The following PLA2G5 variants were observed in gnomAD, a reference collection of about 807,000 sequenced individuals.
The protein encoded by PLA2G5 is phospholipase A2 group V, also known as Ca2+-dependent phospholipase A2.
PLA2G5 carries 12 observed loss-of-function variants against 15.9 expected under a neutral mutation model. The observed-to-expected ratio is 0.76, with a 90% CI of 0.48 to 1.23. The LOEUF (loss-of-function observed/expected upper bound fraction) is 1.23. Among genes scored for constraint, PLA2G5 ranks in the 50% most tolerant of loss-of-function variants. PLA2G5 has a pLI of 0.00. For missense variants in PLA2G5, 169 were observed against 177.1 expected, an observed-to-expected ratio of 0.95 and a Z score of 0.26; for synonymous variants, 71 against 71.4, an observed-to-expected ratio of 0.99 and a Z score of 0.03.
At chr1:20,033,706 A>T (rs1436170831) in intron 1 of PLA2G5, among the ~76,000 whole-genome samples, 4 of 152,116 alleles carry the variant, frequency 2.6e-5, no homozygotes. Context: ...CTTGGTTAGA[A>T]TGTACATACA....
At chr1:20,037,866 T>A (rs864216) in intron 1 of PLA2G5, among the ~76,000 whole-genome samples, 135,174 of 152,046 alleles carry the variant, frequency 0.89, 60,830 homozygotes, top group East Asian at 1. Flanking sequence ...ATGGACCATC[T>A]GGTGGGAGCA....
chr1:20,034,442 G>T (rs1290277771), intron 1 of PLA2G5, among the ~76,000 whole-genome samples: 1 of 152,196 alleles, frequency 6.6e-6, no homozygotes, highest in East Asian at 1.9e-4. Flanking sequence ...GAGTATGTGG[G>T]TTGGGGACCA....
At chr1:20,029,669 A>G (rs1426844752) in intron 1 of PLA2G5, among the ~76,000 whole-genome samples, 1 of 151,990 alleles carries the variant, frequency 6.6e-6, no homozygotes, top group African/African-American at 2.4e-5. Context: ...CTTCCATATC[A>G]TTTAAAGGGA....
rs11573290 is a variant in PLA2G5 at position 20,091,007 on chromosome 1, C to T, written c.*315C>T. The T allele has an allele frequency of 4.7e-3, 1,205 of 256,552 alleles. 11 individuals carry two copies. Among genetic ancestry groups the T allele is most frequent in the South Asian group, 0.021 (217 of 10,370 alleles). 15.9% of individuals were successfully genotyped at this position (256,552 alleles called of 1,614,324 possible). On this transcript the variant is annotated 3_prime_UTR_variant, in exon 5 of 5. Transcript: ENST00000375108. ...TTCTCTGAAGACAGCGTCCTGGCTC[C>T]AGTTGGAACACTTTCCTGAGATGCA...
At chr1:20,088,280 C>T (rs1292900838) in intron 3 of PLA2G5, among the ~76,000 whole-genome samples, 1 of 151,118 alleles carries the variant, frequency 6.6e-6, no homozygotes, top group South Asian at 2.1e-4. Context: ...TCACTTGAAC[C>T]TGGGAGGCAG....
exon 1 of PLA2G5, chr1:20,028,646 G>C (rs1046212619): frequency 2.6e-5 from 4 of 152,240 alleles, no homozygotes; most frequent in Non-Finnish European, 5.9e-5. Flanking sequence ...CGGTATCAAT[G>C]TGTTTCTGGA....
At chr1:20,087,870 C>A (rs1308690346) in intron 3 of PLA2G5, among the ~76,000 whole-genome samples, 1 of 152,162 alleles carries the variant, frequency 6.6e-6, no homozygotes, top group Non-Finnish European at 1.5e-5. Flanking sequence ...CTGAAAGAGC[C>A]CCCAGTGGCC....
intron 1 of PLA2G5, among the ~76,000 whole-genome samples, chr1:20,034,539 G>A (rs1557721716): frequency 6.6e-6 from 1 of 152,120 alleles, no homozygotes; most frequent in Non-Finnish European, 1.5e-5. Context: ...TGACAGCCAG[G>A]ATAGGAGTGT....
chr1:20,086,195 C>T lies in PLA2G5; in HGVS notation c.153C>T (p.Gly51=), dbSNP rs759206198. Residue 51 remains glycine (G), a synonymous_variant, in exon 3 of 5, where the codon GGC becomes GGT. Coordinates refer to ENST00000375108, the MANE Select transcript of PLA2G5 (RefSeq NM_000929.3). The part of the protein sequence containing the change: ...YGFYGCYCGW[G]GRGTPKDGTD... Reference sequence around the variant, plus strand: ...TCTACGGCTGTTACTGCGGCTGGGGCGGCCGAGGAACCCCCAAGGATGGCA... The same window carrying T: ...TCTACGGCTGTTACTGCGGCTGGGGTGGCCGAGGAACCCCCAAGGATGGCA... 6.8e-6 allele frequency: 11 copies of T among 1,613,954 alleles called. No individual in the cohort carries two copies. The highest frequency in any genetic ancestry group is 2.2e-5 in the East Asian group (1 of 44,888).
chr1:20,066,640 T>A (rs534900105), upstream of PLA2G5, among the ~76,000 whole-genome samples: 60 of 152,238 alleles, frequency 3.9e-4, no homozygotes, highest in Non-Finnish European at 8.2e-4. Flanking sequence ...AGTTATAACT[T>A]TTTTTATGTA....
At chr1:20,049,748 C>T (rs1215271345) in intron 1 of PLA2G5, among the ~76,000 whole-genome samples, 1 of 152,166 alleles carries the variant, frequency 6.6e-6, no homozygotes, top group Non-Finnish European at 1.5e-5. Flanking sequence ...AACCTCTTTC[C>T]TTTATAAATT....
chr1:20,084,707 C>T, intron 1 of PLA2G5, 114 bp from the exon 2 acceptor site: 1 of 752,168 alleles, frequency 1.3e-6, no homozygotes, highest in Non-Finnish European at 2.4e-6. Context: ...GTTTATTGCC[C>T]ACCATGACGG....
chr1:20,084,691 C>G, intron 1 of PLA2G5, 130 bp from the exon 2 acceptor site: 1 of 717,668 alleles, frequency 1.4e-6, no homozygotes, highest in East Asian at 2.5e-5. Context: ...TGGCTGGACT[C>G]ATCTTGTTTA....
upstream of PLA2G5, chr1:20,068,743 G>A (rs1041586854): frequency 6.1e-6 from 2 of 325,848 alleles, no homozygotes; most frequent in South Asian, 2.6e-5. Flanking sequence ...GAGCCCCCAC[G>A]CCCGGCCAAA....
chr1:20,070,586 G>A, intron 1 of PLA2G5, 121 bp downstream of exon 1: 1 of 467,826 alleles, frequency 2.1e-6, no homozygotes, highest in Non-Finnish European at 2.8e-6. Context: ...AGGTGCGCAG[G>A]CACAGCCTCT....
chr1:20,036,942 G>A (rs1434983975), intron 1 of PLA2G5, among the ~76,000 whole-genome samples: 4 of 152,176 alleles, frequency 2.6e-5, no homozygotes, highest in African/African-American at 9.7e-5. Flanking sequence ...TGGGATTACA[G>A]GCACGAGCCA....
upstream of PLA2G5, among the ~76,000 whole-genome samples, chr1:20,067,453 C>T (rs12744121): frequency 0.039 from 5,829 of 150,290 alleles, 169 homozygotes; most frequent in Middle Eastern, 0.13. Flanking sequence ...TTTGGGAGGC[C>T]GAGGCGGGCA....
chr1:20,035,913 G>T lies in PLA2G5; in HGVS notation n.276+7204G>T, dbSNP rs184584749. ...GAAGATTTAGAACTCCTCTTTAGTA[G>T]TTCTTGTAGTGCTGGCTTGGTAATG... On this transcript the variant is annotated intron_variant and non_coding_transcript_variant, in intron 1 of 6. Transcript: ENST00000460175. Among the ~76,000 whole-genome samples, 1,132 of 152,252 alleles carry T rather than the reference G, an allele frequency of 7.4e-3. 18 individuals are homozygous for T. Among genetic ancestry groups the T allele is most frequent in the African/African-American group, 0.026 (1,070 of 41,544 alleles).
At chr1:20,056,982 GC>G (rs2014462846) in intron 1 of PLA2G5, among the ~76,000 whole-genome samples, 1 of 152,012 alleles carries the variant, frequency 6.6e-6, no homozygotes, top group South Asian at 2.1e-4. Context: ...TTTCATCTAG[GC>G]TATCAAATTT....
Sources: gnomAD v4.1 joint callset for allele counts (sites outside exome capture counted in the v4.1 genomes callset) on GRCh38, gnomAD v4.1.1 for gene constraint, MANE v1.5 for transcripts, NCBI Gene and HGNC (gene_info 2026-07-23, HGNC 2026-07-21) for gene names.